The following DNAJC6 variants were observed in gnomAD, a reference collection of about 807,000 sequenced individuals.
DNAJC6 encodes DnaJ heat shock protein family (Hsp40) member C6.
A neutral mutation model predicts 110.0 loss-of-function variants in DNAJC6; 34 were observed. The ratio of observed to expected loss-of-function variants is 0.31; its 90% CI spans 0.24 to 0.41. The LOEUF is 0.41. Among genes scored for constraint, DNAJC6 ranks in the 10% least tolerant of loss-of-function variants. The pLI is 1.00. For missense variants in DNAJC6, 1,031 were observed against 1,207.8 expected (o/e 0.85, Z 2.17); for synonymous variants, 406 against 437.2 (o/e 0.93, Z 0.89).
At chr1:65,369,225 C>A (rs989049214) in intron 4 of DNAJC6, among the ~76,000 whole-genome samples, 1 of 152,186 alleles carries the variant, frequency 6.6e-6, no homozygotes, top group Non-Finnish European at 1.5e-5. Context: ...GATCCTCTGA[C>A]CTGTCTCCTT....
chr1:65,327,994 C>T (rs932225063), intron 1 of DNAJC6, among the ~76,000 whole-genome samples: 10 of 152,004 alleles, frequency 6.6e-5, no homozygotes, highest in African/African-American at 1.9e-4. Context: ...GGATTAGAGG[C>T]GTGAGCCACC....
intron 16 of DNAJC6, 63 bp downstream of exon 16, chr1:65,406,196 A>ATG (rs1280252606): frequency 6.4e-7 from 1 of 1,550,480 alleles, no homozygotes; most frequent in East Asian, 2.3e-5. Context: ...TACTGCCTGA[A>ATG]TGTGTCTCTC....
At chr1:65,319,566 CTG>C (rs1645178832) in intron 1 of DNAJC6, among the ~76,000 whole-genome samples, 1 of 151,708 alleles carries the variant, frequency 6.6e-6, no homozygotes, top group Admixed American at 6.6e-5. Flanking sequence ...AATCAAACAC[CTG>C]AGAAACTTGG....
At position 65,406,106 on chromosome 1, in the gene DNAJC6, G is replaced by A. The variant is rs752833276; in HGVS notation, c.2464G>A (p.Glu822Lys). The A allele has an allele frequency of 7.4e-6, 12 of 1,613,986 alleles. No individual in the cohort carries two copies. Among genetic ancestry groups the A allele is most frequent in the East Asian group, 4.5e-5 (2 of 44,884 alleles). The change falls in exon 16 of 19, where the codon GAA becomes AAA. Residue 822 changes from glutamate (E) to lysine (K), a missense_variant. By Grantham distance (56) the Glu-to-Lys change is moderately conservative. Coordinates refer to ENST00000371069, the MANE Select transcript of DNAJC6 (RefSeq NM_001256864.2). ...SFSAMPGGQN[E>K]RGKGSSNLEG... The stretch of plus-strand genomic sequence containing the variant: ...CTCAGCCATGCCTGGGGGCCAGAAC[G>A]AACGTGGGAAAGGATCAAGTAATTT...
chr1:65,264,988 T>C (rs374373827), intron 1 of DNAJC6: 1 of 1,540,516 alleles, frequency 6.5e-7, no homozygotes, highest in Non-Finnish European at 9.0e-7. Flanking sequence ...TAAAAGATGC[T>C]AGGGATGCGA....
intron 1 of DNAJC6, among the ~76,000 whole-genome samples, chr1:65,337,342 T>C (rs988924001): frequency 6.6e-6 from 1 of 151,722 alleles, no homozygotes; most frequent in South Asian, 2.1e-4. Context: ...GGAAAAACTC[T>C]TCCTCATCAG....
Position 65,407,004 on chromosome 1 carries a change from C to A in DNAJC6, c.2491+871C>A, listed in dbSNP as rs1194086662. On this transcript the variant is annotated intron_variant, in intron 16 of 18. Coordinates refer to ENST00000371069, the MANE Select transcript of DNAJC6 (RefSeq NM_001256864.2). ...AGCATTTTTCATGTACAGGCATCCC[C>A]CTTTATTTGTGGTTTTATTTGCAGT... Among the ~76,000 whole-genome samples the A allele has an allele frequency of 2.0e-5, 3 of 152,158 alleles. No individual in the cohort carries two copies. In the South Asian group the frequency reaches 6.2e-4, roughly 31 times the overall value.
chr1:65,269,935 G>A (rs1028671734), intron 1 of DNAJC6, among the ~76,000 whole-genome samples: 1 of 152,186 alleles, frequency 6.6e-6, no homozygotes, highest in Non-Finnish European at 1.5e-5. Context: ...CATGTCCTGT[G>A]CAATTTTCAA....
chr1:65,345,210 T>A (rs1489032405), intron 1 of DNAJC6, among the ~76,000 whole-genome samples: 3 of 149,916 alleles, frequency 2.0e-5, no homozygotes, highest in Non-Finnish European at 4.4e-5. Context: ...GCAGACCATT[T>A]TTGTGCTTCT....
intron 15 of DNAJC6, 83 bp from the exon 16 acceptor site, chr1:65,405,787 G>A (rs575538978): frequency 6.8e-7 from 1 of 1,480,366 alleles, no homozygotes; most frequent in South Asian, 1.4e-5. Context: ...GACTATTAAA[G>A]CCACTGCAAA....
chr1:65,374,179 G>A (rs994918345), intron 4 of DNAJC6, among the ~76,000 whole-genome samples: 1 of 151,950 alleles, frequency 6.6e-6, no homozygotes, highest in Admixed American at 6.6e-5. Flanking sequence ...TTTTGGTTAC[G>A]GTAGCTTTGT....
chr1:65,264,837 G>C, exon 1 of DNAJC6: 1 of 1,600,532 alleles, frequency 6.2e-7, no homozygotes, highest in Non-Finnish European at 8.5e-7. Flanking sequence ...GACTGTGAAT[G>C]ACAAATCAAA....
At position 65,380,917 on chromosome 1, in the gene DNAJC6, TTTTG is replaced by T. The variant is rs1215416473; in HGVS notation, c.666+1397_666+1400del. 4.9e-4 allele frequency among the ~76,000 whole-genome samples: 17 copies of T among 34,498 alleles called. 1 individual carries two copies. The highest frequency in any genetic ancestry group is 2.0e-3 in the African/African-American group (14 of 7,174). 22.6% of individuals were successfully genotyped at this position (34,498 alleles called of 152,430 possible). ...TTTTTTTTTTTTGTTTTTTGTTTTGTTTTGTTTTTTTTTTTTTTTTGGGACCGAG... is the reference window on the plus strand; with the variant it reads ...TTTTTTTTTTTTGTTTTTTGTTTTGTTTTTTTTTTTTTTTTTGGGACCGAG... On this transcript the variant is annotated intron_variant, in intron 5 of 18. Coordinates refer to ENST00000371069, the MANE Select transcript of DNAJC6 (RefSeq NM_001256864.2).
chr1:65,308,346 T>C (rs1288705954), upstream of DNAJC6, among the ~76,000 whole-genome samples: 1 of 152,228 alleles, frequency 6.6e-6, no homozygotes, highest in Non-Finnish European at 1.5e-5. Flanking sequence ...GCGCCTCACT[T>C]AGTCCCTCCA....
intron 1 of DNAJC6, among the ~76,000 whole-genome samples, chr1:65,291,079 G>C (rs1644870954): frequency 6.6e-6 from 1 of 152,180 alleles, no homozygotes; most frequent in Admixed American, 6.5e-5. Context: ...TGTCACCCAG[G>C]CTGGAGTGCA....
In DNAJC6 at chr1:65,283,666, T is replaced by C. The variant is rs139342564; in HGVS notation, c.-131+18734T>C. 2.2e-3 allele frequency among the ~76,000 whole-genome samples: 331 copies of C among 152,336 alleles called. 1 individual carries two copies. Among genetic ancestry groups the C allele is most frequent in the African/African-American group, 7.5e-3 (312 of 41,562 alleles). On this transcript the variant is annotated intron_variant, in intron 1 of 19. Coordinates refer to the DNAJC6 transcript ENST00000263441. ...TAAGTCTTCATTTCTTTGGGATAAA[T>C]GCCCAATAGTGCGATTGCTGGATTG...
At chr1:65,265,805 CCGCGTGCCCAGGAAGGGCGCAGCGGAGT>C (rs1186937441) in intron 1 of DNAJC6, among the ~76,000 whole-genome samples, 1 of 152,170 alleles carries the variant, frequency 6.6e-6, no homozygotes, top group African/African-American at 2.4e-5. Context: ...TGCTCCTGGC[CCGCGTGCCCAGGAAGGGCGCAGCGGAGT>C]CGCGTGCCCG....
At chr1:65,335,153 G>A (rs1645323444) in intron 1 of DNAJC6, among the ~76,000 whole-genome samples, 1 of 151,440 alleles carries the variant, frequency 6.6e-6, no homozygotes, top group South Asian at 2.1e-4. Flanking sequence ...CTGTCGCCAG[G>A]CTGGAGTGCA....
chr1:65,387,502 C>G (rs1645884265), intron 8 of DNAJC6, among the ~76,000 whole-genome samples: 1 of 152,174 alleles, frequency 6.6e-6, no homozygotes, highest in Non-Finnish European at 1.5e-5. Context: ...CATTCTGCCT[C>G]TATGGATTTG....
Sources: allele counts gnomAD v4.1 joint callset (sites outside exome capture counted in the v4.1 genomes callset), GRCh38; gene constraint gnomAD v4.1.1; transcripts MANE v1.5; gene names NCBI Gene and HGNC (gene_info 2026-07-23, HGNC 2026-07-21).